ANGPT2: variants seen among roughly 807,000 people sequenced by gnomAD.
ANGPT2 encodes angiopoietin 2.
A neutral mutation model predicts 62.9 loss-of-function variants in ANGPT2; 28 were observed. That is an observed-to-expected ratio of 0.44 (90% confidence interval 0.33 to 0.61). The LOEUF (loss-of-function observed/expected upper bound fraction) is 0.61, where lower values mean the gene tolerates loss of function less well. Ranked by LOEUF, ANGPT2 falls within the 20% of genes least tolerant of loss-of-function variation. The pLI is 0.03. For missense variants in ANGPT2, 727 were observed against 594.9 expected (o/e 1.22, Z -2.31); for synonymous variants, 284 against 207.8 (o/e 1.37, Z -3.15).
At chr8:6,523,928 G>C (rs1026992314) in intron 3 of ANGPT2, among the ~76,000 whole-genome samples, 1 of 150,422 alleles carries the variant, frequency 6.6e-6, no homozygotes, top group Non-Finnish European at 1.5e-5. Flanking sequence ...GAGGAAAATT[G>C]GATAGCCTGA....
chr8:6,524,043 A>G (rs1018087442), intron 3 of ANGPT2, among the ~76,000 whole-genome samples: 1 of 152,196 alleles, frequency 6.6e-6, no homozygotes, highest in African/African-American at 2.4e-5. Context: ...AGGCCAGTAA[A>G]TAAAGCTTTC....
chr8:6,506,271 A>G (rs1014671937), intron 8 of ANGPT2, among the ~76,000 whole-genome samples: 1 of 151,990 alleles, frequency 6.6e-6, no homozygotes, highest in Non-Finnish European at 1.5e-5. Flanking sequence ...TCCATGCAAA[A>G]TGGAGCTGCT....
intron 2 of ANGPT2, among the ~76,000 whole-genome samples, chr8:6,530,933 G>A (rs544230348): frequency 6.6e-6 from 1 of 152,276 alleles, no homozygotes; most frequent in Admixed American, 6.5e-5. Flanking sequence ...AGCATTTCTT[G>A]ATCCTTTTTG....
intron 7 of ANGPT2, among the ~76,000 whole-genome samples, chr8:6,510,035 G>T (rs1404672310): frequency 6.6e-6 from 1 of 152,104 alleles, no homozygotes; most frequent in Non-Finnish European, 1.5e-5. Flanking sequence ...TCGTAAAGTC[G>T]AAAAATCTTA....
At chr8:6,547,920 G>A (rs1316568674) in intron 1 of ANGPT2, among the ~76,000 whole-genome samples, 1 of 149,726 alleles carries the variant, frequency 6.7e-6, no homozygotes, top group Non-Finnish European at 1.5e-5. Context: ...ACTCACTGTG[G>A]TTACTTCTCT....
intron 8 of ANGPT2, 66 bp from the exon 9 acceptor site, chr8:6,503,327 A>C (rs1812576557): frequency 1.3e-6 from 2 of 1,569,676 alleles, no homozygotes; most frequent in East Asian, 4.5e-5. Flanking sequence ...CGAAGACAGC[A>C]ATACTCAGCT....
chr8:6,510,495 G>A (rs1814824168), intron 7 of ANGPT2, among the ~76,000 whole-genome samples: 2 of 152,198 alleles, frequency 1.3e-5, no homozygotes, highest in Admixed American at 6.5e-5. Flanking sequence ...GAGAGAAAAT[G>A]TTCTTTTAGT....
intron 2 of ANGPT2, among the ~76,000 whole-genome samples, chr8:6,531,126 T>G (rs573401844): frequency 1.3e-5 from 2 of 152,008 alleles, no homozygotes; most frequent in Non-Finnish European, 2.9e-5. Flanking sequence ...GGCCTTGAGC[T>G]TGGAGCGTCT....
At chr8:6,525,691 T>A (rs1818200573) in intron 3 of ANGPT2, among the ~76,000 whole-genome samples, 1 of 152,244 alleles carries the variant, frequency 6.6e-6, no homozygotes, top group Non-Finnish European at 1.5e-5. Context: ...AAACACAGCA[T>A]GCAGAACTCA....
At chr8:6,558,640 A>C (rs568818390) in intron 1 of ANGPT2, among the ~76,000 whole-genome samples, 2 of 152,210 alleles carry the variant, frequency 1.3e-5, no homozygotes. Context: ...TATTTAGACT[A>C]TATGGATTAT....
At chr8:6,538,283 C>T (rs944873828) in intron 1 of ANGPT2, among the ~76,000 whole-genome samples, 4 of 152,190 alleles carry the variant, frequency 2.6e-5, no homozygotes, top group African/African-American at 9.7e-5. Flanking sequence ...TACACACACA[C>T]ATACACGTTT....
intron 1 of ANGPT2, among the ~76,000 whole-genome samples, chr8:6,546,292 A>G (rs1366996867): frequency 6.6e-6 from 1 of 152,240 alleles, no homozygotes; most frequent in Non-Finnish European, 1.5e-5. Flanking sequence ...ACTGTCAGCC[A>G]CTGGAAGAAT....
intron 2 of ANGPT2, among the ~76,000 whole-genome samples, chr8:6,531,547 C>G (rs967989925): frequency 6.6e-6 from 1 of 152,184 alleles, no homozygotes; most frequent in Non-Finnish European, 1.5e-5. Flanking sequence ...CCATCTCGGC[C>G]TCCCAAAGTG....
rs1812387765 is a variant in ANGPT2 at position 6,502,496 on chromosome 8, T to C, written c.*605A>G. 1 of 152,212 alleles carries C rather than the reference T, an allele frequency of 6.6e-6. No individual in the cohort carries two copies. Among genetic ancestry groups the C allele is most frequent in the Non-Finnish European group, 1.5e-5 (1 of 68,036 alleles). 9.4% of individuals were successfully genotyped at this position (152,212 alleles called of 1,614,324 possible). On this transcript the variant is annotated 3_prime_UTR_variant, in exon 9 of 9. Transcript: ENST00000629816. ...ACTAAGCTGTCAACATAAATGTAAA[T>C]ACGCTGTTTTTGAAATAAAAATTTA...
intron 1 of ANGPT2, among the ~76,000 whole-genome samples, chr8:6,557,688 T>TACACACACAC (rs112788253): frequency 2.9e-4 from 43 of 148,794 alleles, no homozygotes; most frequent in African/African-American, 5.7e-4. Flanking sequence ...TATGTGTGTG[T>TACACACACAC]ACACACACAC....
chr8:6,499,889 A>G lies in ANGPT2; in HGVS notation c.*3212T>C. The G allele has an allele frequency of 6.2e-7, 1 of 1,613,564 alleles. No individual in the cohort carries two copies. The highest frequency in any genetic ancestry group is 8.5e-7 in the Non-Finnish European group (1 of 1,179,988). ...TTAGAATTGGGTCACTGGATTTCTG[A>G]GGAGCCGTTCGAACTGTCTCACCAC... On this transcript the variant is annotated 3_prime_UTR_variant, in exon 9 of 9. Transcript: ENST00000629816.
intron 3 of ANGPT2, among the ~76,000 whole-genome samples, chr8:6,526,443 AAC>A (rs1818358004): frequency 6.6e-6 from 1 of 152,066 alleles, no homozygotes; most frequent in Non-Finnish European, 1.5e-5. Flanking sequence ...TCAAAAAAAA[AAC>A]ACAGAAAAGA....
intron 7 of ANGPT2, among the ~76,000 whole-genome samples, chr8:6,510,756 T>G (rs1461394945): frequency 6.6e-6 from 1 of 152,176 alleles, no homozygotes; most frequent in Non-Finnish European, 1.5e-5. Flanking sequence ...GAAGAAGTTG[T>G]GAAAAGATGA....
intron 7 of ANGPT2, among the ~76,000 whole-genome samples, chr8:6,509,942 T>C (rs1356602601): frequency 6.6e-6 from 1 of 152,176 alleles, no homozygotes; most frequent in Non-Finnish European, 1.5e-5. Flanking sequence ...GGGAGCATCG[T>C]GCCACATATC....
Sources: gnomAD v4.1 joint callset for allele counts (sites outside exome capture counted in the v4.1 genomes callset) on GRCh38, gnomAD v4.1.1 for gene constraint, MANE v1.5 for transcripts, NCBI Gene and HGNC (gene_info 2026-07-23, HGNC 2026-07-21) for gene names.